The following IL7 variants were observed in gnomAD, a reference collection of about 807,000 sequenced individuals.
IL7 encodes the protein interleukin-7.
A neutral mutation model predicts 21.6 loss-of-function variants in IL7; 3 were observed. That is an observed-to-expected ratio of 0.14 (90% confidence interval 0.06 to 0.36). The LOEUF is 0.36. Among genes scored for constraint, IL7 ranks in the 10% least tolerant of loss-of-function variants. The pLI is 1.00. For missense variants in IL7, 175 were observed against 200.2 expected (o/e 0.87, Z 0.76); for synonymous variants, 62 against 68.1 (o/e 0.91, Z 0.44).
chr8:78,762,216 C>G, intron 2 of IL7: 1 of 1,578,282 alleles, frequency 6.3e-7, no homozygotes, highest in Non-Finnish European at 8.7e-7. Context: ...CTATAAGGAC[C>G]AGTTCTACAG....
At chr8:78,778,353 T>C (rs1813202083) in intron 2 of IL7, among the ~76,000 whole-genome samples, 1 of 152,114 alleles carries the variant, frequency 6.6e-6, no homozygotes, top group Non-Finnish European at 1.5e-5. Flanking sequence ...CAAAGTCCCA[T>C]TAAAATTGTT....
chr8:78,710,057 G>C (rs1024772186), intron 3 of IL7, among the ~76,000 whole-genome samples: 1 of 152,130 alleles, frequency 6.6e-6, no homozygotes, highest in Non-Finnish European at 1.5e-5. Context: ...CTATGTTAAA[G>C]TTTATTTCAA....
chr8:78,773,414 C>T (rs1322506000), intron 2 of IL7, among the ~76,000 whole-genome samples: 1 of 152,106 alleles, frequency 6.6e-6, no homozygotes, highest in African/African-American at 2.4e-5. Flanking sequence ...TATTCAATTC[C>T]TGCTGTCTTT....
chr8:78,728,841 A>G (rs191424867), downstream of IL7, among the ~76,000 whole-genome samples: 428 of 152,106 alleles, frequency 2.8e-3, 2 homozygotes, highest in African/African-American at 9.8e-3. Flanking sequence ...GCCAATTTCT[A>G]GTCTGGATAA....
At chr8:78,802,577 C>T (rs897661207) in intron 1 of IL7, among the ~76,000 whole-genome samples, 28 of 151,896 alleles carry the variant, frequency 1.8e-4, no homozygotes, top group African/African-American at 6.8e-4. Flanking sequence ...ATTATAGGTG[C>T]CCACCACAAC....
chr8:78,737,682 A>G (rs1017621983), intron 4 of IL7, among the ~76,000 whole-genome samples: 9 of 152,154 alleles, frequency 5.9e-5, no homozygotes, highest in Non-Finnish European at 1.3e-4. Flanking sequence ...ATGGGAAACT[A>G]CTAGTGCTCA....
chr8:78,740,118 T>G, intron 2 of IL7, 36 bp from the exon 3 acceptor site: 10 of 1,204,848 alleles, frequency 8.3e-6, no homozygotes, highest in Non-Finnish European at 1.1e-5. Context: ...TGGTTAAAAC[T>G]GAGTACTTTT....
chr8:78,690,862 T>A (rs558059103), intron 3 of IL7, among the ~76,000 whole-genome samples: 1 of 152,274 alleles, frequency 6.6e-6, no homozygotes, highest in South Asian at 2.1e-4. Context: ...GTAAATGGAA[T>A]TTTATTTTAT....
intron 2 of IL7, among the ~76,000 whole-genome samples, chr8:78,772,203 C>T (rs1419552511): frequency 3.3e-5 from 5 of 152,028 alleles, no homozygotes; most frequent in Non-Finnish European, 7.4e-5. Context: ...TTCTATTACC[C>T]GAATTTGTCA....
At position 78,677,406 on chromosome 8, in the gene IL7, C is replaced by T. The variant is rs186980756; in HGVS notation, n.274-1302G>A. Among the ~76,000 whole-genome samples, 15 of 151,850 alleles carry T rather than the reference C, an allele frequency of 9.9e-5. 1 individual carries two copies. Among genetic ancestry groups the T allele is most frequent in the Admixed American group, 9.8e-4 (15 of 15,232 alleles). On this transcript the variant is annotated intron_variant and non_coding_transcript_variant, in intron 4 of 4. Transcript: ENST00000523959. ...AACACTAGATAAGCTCAAGAAAAAT[C>T]TTAGGCGAAGAAAACTGCAAAGTTT... is the stretch of plus-strand genomic sequence containing the variant.
chr8:78,683,339 G>A (rs1452153293), intron 4 of IL7, among the ~76,000 whole-genome samples: 3 of 152,348 alleles, frequency 2.0e-5, no homozygotes, highest in Admixed American at 1.3e-4. Flanking sequence ...ACATCCAGGT[G>A]TTTCCATACA....
chr8:78,761,309 G>T (rs1812548007), intron 2 of IL7: 5 of 1,611,570 alleles, frequency 3.1e-6, no homozygotes, highest in Non-Finnish European at 4.2e-6. Context: ...TCCCATAACA[G>T]GTACTGATTT....
intron 4 of IL7, among the ~76,000 whole-genome samples, chr8:78,682,999 C>G (rs1333215463): frequency 2.0e-5 from 3 of 152,256 alleles, no homozygotes; most frequent in Non-Finnish European, 4.4e-5. Context: ...GACTCCATGT[C>G]TCACATCCAG....
chr8:78,744,173 G>A (rs1811893425), intron 2 of IL7, among the ~76,000 whole-genome samples: 1 of 152,134 alleles, frequency 6.6e-6, no homozygotes, highest in African/African-American at 2.4e-5. Context: ...AAAGCCCACA[G>A]GCTGGACAGG....
At chr8:78,676,790 CAG>C (rs1294155089) in intron 4 of IL7, among the ~76,000 whole-genome samples, 3 of 151,816 alleles carry the variant, frequency 2.0e-5, no homozygotes, top group Non-Finnish European at 2.9e-5. Context: ...TATTATTTTT[CAG>C]AGTGTTCAGC....
chr8:78,699,673 T>C (rs1181070515), intron 3 of IL7, among the ~76,000 whole-genome samples: 1 of 152,132 alleles, frequency 6.6e-6, no homozygotes, highest in Non-Finnish European at 1.5e-5. Flanking sequence ...TATGTGTCCA[T>C]GTAGTCTCAT....
intron 2 of IL7, among the ~76,000 whole-genome samples, chr8:78,789,688 G>A (rs193028143): frequency 1.1e-4 from 16 of 152,184 alleles, no homozygotes; most frequent in African/African-American, 3.1e-4. Context: ...AAGTGGTCCC[G>A]GTGAGATCTG....
intron 4 of IL7, chr8:78,679,077 T>C (rs1809677305): frequency 6.5e-6 from 1 of 152,880 alleles, no homozygotes; most frequent in East Asian, 1.9e-4. Flanking sequence ...AGTTAAGCCA[T>C]TATTTACAGA....
intron 4 of IL7, among the ~76,000 whole-genome samples, chr8:78,737,954 T>C (rs1398401640): frequency 6.6e-6 from 1 of 152,178 alleles, no homozygotes; most frequent in Non-Finnish European, 1.5e-5. Context: ...TGCTGTCTAG[T>C]CTCTAGATGA....
Sources: gnomAD v4.1 joint callset for allele counts (sites outside exome capture counted in the v4.1 genomes callset) on GRCh38, gnomAD v4.1.1 for gene constraint, MANE v1.5 for transcripts, NCBI Gene and HGNC (gene_info 2026-07-23, HGNC 2026-07-21) for gene names.